The following SPO11 variants were observed in gnomAD, a reference collection of about 807,000 sequenced individuals.
SPO11 encodes SPO11 initiator of meiotic double strand breaks.
Under a neutral mutation model 51.6 loss-of-function variants are expected in SPO11, and 49 were observed. The ratio of observed to expected loss-of-function variants is 0.95; its 90% CI spans 0.75 to 1.20. The LOEUF is 1.20. Among genes scored for constraint, SPO11 ranks in the 50% most tolerant of loss-of-function variants. The pLI is 0.00. For missense variants in SPO11, 431 were observed against 473.4 expected (o/e 0.91, Z 0.83); for synonymous variants, 176 against 158.2 (o/e 1.11, Z -0.84).
chr20:57,333,732 G>A lies in SPO11; in HGVS notation c.380G>A (p.Ser127Asn), dbSNP rs2066476398. 2.0e-6 allele frequency: 3 copies of A among 1,509,238 alleles called. No individual in the cohort carries two copies. Among genetic ancestry groups the A allele is most frequent in the Admixed American group, 3.5e-5 (2 of 57,488 alleles). The allele number at this position is 1,509,238 out of a possible 1,614,324, so 93.5% of individuals were successfully genotyped here. ...TCCATGATTTATAAATTAGTACAGA[G>A]CAACACTTATGCAACCAAAAGGTAA... Reference protein sequence around the residue: ...ILSMIYKLVQSNTYATKRDIY... With the variant: ...ILSMIYKLVQNNTYATKRDIY... The change falls in exon 4 of 13, where the codon AGC (serine) becomes AAC (asparagine). Residue 127 changes from serine to asparagine, a missense_variant. Physicochemically the swap from Ser to Asn is conservative, Grantham distance 46. Around this residue, in one of 3 missense-constraint regions of SPO11, gnomAD observed 405 missense variants for 425.9 expected, o/e 0.95. Coordinates refer to ENST00000371263, the MANE Select transcript of SPO11 (RefSeq NM_012444.3).
At chr20:57,338,670 C>T (rs1011448051) in intron 9 of SPO11, among the ~76,000 whole-genome samples, 8 of 151,970 alleles carry the variant, frequency 5.3e-5, no homozygotes, top group African/African-American at 1.9e-4. Flanking sequence ...GTCTCGAACT[C>T]CTGACCTCAG....
At chr20:57,333,033 C>T (rs1363177927) in intron 2 of SPO11, among the ~76,000 whole-genome samples, 155 bp from the exon 3 acceptor site, 1 of 152,182 alleles carries the variant, frequency 6.6e-6, no homozygotes, top group African/African-American at 2.4e-5. Context: ...CTGGAATGAT[C>T]TATGCTCTCA....
At chr20:57,343,152 G>T (rs2066604086) in intron 12 of SPO11, among the ~76,000 whole-genome samples, 189 bp from the exon 13 acceptor site, 1 of 152,026 alleles carries the variant, frequency 6.6e-6, no homozygotes, top group South Asian at 2.1e-4. Flanking sequence ...CCTAATTATT[G>T]AAGACAGCAT....
intron 9 of SPO11, 151 bp downstream of exon 9, chr20:57,338,526 C>G: frequency 1.7e-6 from 1 of 587,148 alleles, no homozygotes. Flanking sequence ...TCACTGCAAC[C>G]TCCACCTCCT....
At chr20:57,340,590 C>T (rs2066569795) in intron 11 of SPO11, among the ~76,000 whole-genome samples, 1 of 151,994 alleles carries the variant, frequency 6.6e-6, no homozygotes, top group African/African-American at 2.4e-5. Flanking sequence ...GTGACAAAAC[C>T]CTGTCTCTAC....
intron 11 of SPO11, 84 bp downstream of exon 11, chr20:57,340,262 G>A: frequency 1.2e-6 from 1 of 821,136 alleles, no homozygotes; most frequent in Non-Finnish European, 2.0e-6. Flanking sequence ...TCACTACAAG[G>A]GAAAGCTCTT....
intron 11 of SPO11, among the ~76,000 whole-genome samples, chr20:57,340,718 G>A (rs1325085825): frequency 1.3e-5 from 2 of 151,706 alleles, no homozygotes; most frequent in Non-Finnish European, 2.9e-5. Flanking sequence ...AGTGAGCCAC[G>A]ATCGCACCAC....
intron 10 of SPO11, 84 bp downstream of exon 10, chr20:57,339,110 C>A: frequency 4.3e-6 from 4 of 921,836 alleles, no homozygotes; most frequent in Non-Finnish European, 6.4e-6. Context: ...ATTAATCACC[C>A]CCAAGCAGGC....
chr20:57,333,670 T>C lies in SPO11; in HGVS notation c.335-17T>C. Reference sequence around the variant, plus strand: ...GAGAAATGATGAGTAACTTGTTTGTTGAATTTTATTTTCCAGCTCTAATCC... The same window carrying C: ...GAGAAATGATGAGTAACTTGTTTGTCGAATTTTATTTTCCAGCTCTAATCC... On this transcript the variant is annotated splice_polypyrimidine_tract_variant and intron_variant, in intron 3 of 12. Coordinates refer to ENST00000371263, the MANE Select transcript of SPO11 (RefSeq NM_012444.3). The C allele has an allele frequency of 7.4e-7, 1 of 1,351,944 alleles. No individual in the cohort carries two copies. The highest frequency in any genetic ancestry group is 1.1e-6 in the Non-Finnish European group (1 of 951,604). The allele number at this position is 1,351,944 out of a possible 1,614,324, so 83.7% of individuals were successfully genotyped here. A position where few individuals can be genotyped will look rare whatever the true frequency, so the allele number is the denominator to read the frequency against.
At chr20:57,333,329 T>A (rs1437101075) in intron 3 of SPO11, 53 bp downstream of exon 3, 5 of 1,301,476 alleles carry the variant, frequency 3.8e-6, no homozygotes, top group Non-Finnish European at 5.4e-6. Context: ...AATTTTGTTA[T>A]CTTCTCAATT....
chr20:57,334,124 A>G, intron 5 of SPO11, 29 bp downstream of exon 5: 6 of 1,102,440 alleles, frequency 5.4e-6, no homozygotes, highest in African/African-American at 1.6e-5. Flanking sequence ...AAAACATTTT[A>G]TTTTAAAACA....
At chr20:57,335,021 CAA>C (rs1368933530) in intron 6 of SPO11, among the ~76,000 whole-genome samples, 185 bp downstream of exon 6, 1 of 152,102 alleles carries the variant, frequency 6.6e-6, no homozygotes, top group Non-Finnish European at 1.5e-5. Flanking sequence ...TGCTAATTGT[CAA>C]ATGTCAGATT....
In SPO11 at chr20:57,342,778, A is replaced by C; in HGVS notation, c.1009A>C (p.Met337Leu). The change falls in exon 12 of 13, where the codon ATG (methionine) becomes CTG (leucine). Residue 337 changes from methionine (M) to leucine (L), a missense_variant. By Grantham distance (15) the Met-to-Leu change is conservative. Around this residue, in one of 3 missense-constraint regions of SPO11, gnomAD observed 405 missense variants for 425.9 expected, o/e 0.95. Transcript: ENST00000371263. ...GATTCCACTGACAAAAAGGGACCAA[A>C]TGAAACTTGACAGTATCCTGAGGAG... ...SLIPLTKRDQ[M>L]KLDSILRRPY... 6.2e-7 allele frequency: 1 copy of C among 1,613,766 alleles called. No homozygotes were observed. Among genetic ancestry groups the C allele is most frequent in the Non-Finnish European group, 8.5e-7 (1 of 1,179,772 alleles).
chr20:57,337,733 T>C (rs1568761613), intron 8 of SPO11: 1 of 1,304,754 alleles, frequency 7.7e-7, no homozygotes, highest in Admixed American at 2.2e-5. Context: ...CATTTTTTTT[T>C]CACAGTCAAC....
chr20:57,329,864 C>T lies in SPO11; in HGVS notation c.-4C>T, dbSNP rs1242632736. The T allele has an allele frequency of 3.1e-6, 5 of 1,611,748 alleles. No individual in the cohort carries two copies. The highest frequency in any genetic ancestry group is 2.7e-5 in the African/African-American group (2 of 75,006). ...TCTGGAGCTTCTGGCAGCCGTCTGC[C>T]CTCATGGCCTTTGCACCTATGGGGC... On this transcript the variant is annotated 5_prime_UTR_variant, in exon 1 of 13. Transcript: ENST00000371263.
chr20:57,338,301 C>A lies in SPO11; in HGVS notation c.770C>A (p.Thr257Lys), dbSNP rs373340463. The A allele has an allele frequency of 1.2e-6, 2 of 1,613,496 alleles. No individual in the cohort carries two copies. The highest frequency in any genetic ancestry group is 1.7e-6 in the Non-Finnish European group (2 of 1,179,678). Residue 257 changes from threonine (T) to lysine (K), a missense_variant, in exon 9 of 13, where the codon ACA (threonine) becomes AAA (lysine). This residue lies in a region of SPO11 where 405 missense variants were observed against 425.9 expected (regional missense o/e 0.95). Coordinates refer to ENST00000371263, the MANE Select transcript of SPO11 (RefSeq NM_012444.3). ...ITGKGVPDLN[T>K]RLLVKKLWDT... ...GGAAAGGGAGTTCCTGATCTAAACA[C>A]AAGACTTTTAGTCAAGAAACTGTGG...
chr20:57,339,793 C>T (rs957655402), intron 10 of SPO11, among the ~76,000 whole-genome samples: 1 of 152,166 alleles, frequency 6.6e-6, no homozygotes, highest in African/African-American at 2.4e-5. Context: ...GGCTGGAGTG[C>T]GGTGGTGCAG....
At chr20:57,342,703 GA>G (rs1216258300) in intron 11 of SPO11, 25 bp from the exon 12 acceptor site, 1 of 1,474,300 alleles carries the variant, frequency 6.8e-7, no homozygotes, top group Admixed American at 1.7e-5. Context: ...CTTTTTTACT[GA>G]TTTTTTTCAC....
intron 5 of SPO11, 81 bp from the exon 6 acceptor site, chr20:57,334,669 G>C: frequency 9.8e-7 from 1 of 1,019,904 alleles, no homozygotes; most frequent in Non-Finnish European, 1.4e-6. Flanking sequence ...CAGTAATTCA[G>C]CAGATGAACA....
Sources: gnomAD v4.1 joint callset for allele counts (sites outside exome capture counted in the v4.1 genomes callset) on GRCh38, gnomAD v4.1.1 for gene constraint, gnomAD v4.1.1 regional missense constraint, MANE v1.5 for transcripts, NCBI Gene and HGNC (gene_info 2026-07-23, HGNC 2026-07-21) for gene names.